The following ATP13A5 variants were observed in gnomAD, a reference collection of about 807,000 sequenced individuals.
The protein encoded by ATP13A5 is ATPase 13A5.
In ATP13A5, 149 loss-of-function variants were observed where a neutral mutation model predicts 150.2. The ratio of observed to expected loss-of-function variants is 0.99; its 90% CI spans 0.87 to 1.14. ATP13A5 has a LOEUF of 1.14. Ranked by LOEUF, ATP13A5 falls within the 50% of genes most tolerant of loss-of-function variation. The pLI is 0.00. For synonymous variants in ATP13A5, 497 were observed against 522.2 expected (o/e 0.95, Z 0.66); for missense variants, 1,383 against 1,449.3 (o/e 0.95, Z 0.74).
intron 1 of ATP13A5, among the ~76,000 whole-genome samples, chr3:193,369,568 G>A (rs9873417): frequency 0.94 from 143,112 of 152,174 alleles, 67,351 homozygotes; most frequent in East Asian, 0.97. Context: ...ATATTTACAC[G>A]CCCCCAGTAA....
rs141219299 is a variant in ATP13A5, at chr3:193,363,045, G to A, written c.384+191C>T. Reference sequence around the variant, plus strand: ...TCAAACTCCTGGGCTCAAGGGATCCGCCCACATTGGCCTCCCAAAAGTGCC... The same window carrying A: ...TCAAACTCCTGGGCTCAAGGGATCCACCCACATTGGCCTCCCAAAAGTGCC... On this transcript the variant is annotated intron_variant, in intron 3 of 29. Coordinates refer to ENST00000342358, the MANE Select transcript of ATP13A5 (RefSeq NM_198505.4). 3.1e-3 allele frequency among the ~76,000 whole-genome samples: 466 copies of A among 152,120 alleles called. 5 individuals are homozygous for A. Among genetic ancestry groups the A allele is most frequent in the African/African-American group, 0.011 (440 of 41,474 alleles).
intron 3 of ATP13A5, among the ~76,000 whole-genome samples, chr3:193,362,954 T>C (rs1713091850): frequency 6.6e-6 from 1 of 151,756 alleles, no homozygotes; most frequent in Admixed American, 6.6e-5. Context: ...ACCACCACAC[T>C]CAGCTCATTT....
rs558104980 is a variant in ATP13A5, at chr3:193,329,012, C to T, written c.1462-1955G>A. Among the ~76,000 whole-genome samples the T allele has an allele frequency of 2.1e-4, 32 of 151,878 alleles. No homozygotes were observed. The East Asian group carries it at 4.1e-3, about 19-fold the overall frequency. On this transcript the variant is annotated intron_variant, in intron 12 of 29. Coordinates refer to ENST00000342358, the MANE Select transcript of ATP13A5 (RefSeq NM_198505.4). ...CTGTAATCCCAGCACTTTGGGAGGC[C>T]GAGGAGGGTGGATCACGAGGTCAAG...
intron 27 of ATP13A5, among the ~76,000 whole-genome samples, chr3:193,283,256 A>G (rs1717577814): frequency 6.6e-6 from 1 of 152,180 alleles, no homozygotes; most frequent in African/African-American, 2.4e-5. Flanking sequence ...ACCTCAAACT[A>G]TACACCAAAA....
At chr3:193,328,022 C>T (rs1719529741) in intron 12 of ATP13A5, among the ~76,000 whole-genome samples, 1 of 152,208 alleles carries the variant, frequency 6.6e-6, no homozygotes, top group African/African-American at 2.4e-5. Flanking sequence ...GTCATTATAG[C>T]ACATCCATTA....
intron 28 of ATP13A5, chr3:193,277,790 C>T (rs1717292584): frequency 6.6e-6 from 1 of 152,188 alleles, no homozygotes; most frequent in Admixed American, 6.5e-5. Flanking sequence ...TAACTCTTCT[C>T]CATCCCTTGA....
At chr3:193,280,504 A>G (rs952011933) in intron 27 of ATP13A5, among the ~76,000 whole-genome samples, 2 of 152,230 alleles carry the variant, frequency 1.3e-5, no homozygotes, top group African/African-American at 4.8e-5. Context: ...AAGTGGCTTT[A>G]TCTCTGGTTC....
intron 12 of ATP13A5, among the ~76,000 whole-genome samples, chr3:193,330,343 C>T (rs1711581132): frequency 6.6e-6 from 1 of 152,252 alleles, no homozygotes; most frequent in South Asian, 2.1e-4. Flanking sequence ...ATGGGACTCT[C>T]TACCAGCATT....
At chr3:193,309,840 C>A (rs929409526) in intron 21 of ATP13A5, among the ~76,000 whole-genome samples, 3 of 152,110 alleles carry the variant, frequency 2.0e-5, no homozygotes, top group Admixed American at 6.5e-5. Flanking sequence ...CCCACTCAAG[C>A]CAGTGCTTGA....
chr3:193,359,456 C>T (rs1263304044), intron 5 of ATP13A5, among the ~76,000 whole-genome samples: 2 of 152,112 alleles, frequency 1.3e-5, no homozygotes, highest in African/African-American at 4.8e-5. Flanking sequence ...TCTCATGGAA[C>T]AGTTTCTGTC....
intron 6 of ATP13A5, among the ~76,000 whole-genome samples, chr3:193,352,795 T>G (rs1712616024): frequency 1.3e-5 from 2 of 152,146 alleles, no homozygotes; most frequent in Non-Finnish European, 2.9e-5. Context: ...GTAAATAATT[T>G]TTTAATATTA....
At chr3:193,339,879 A>G (rs1402373210) in intron 9 of ATP13A5, among the ~76,000 whole-genome samples, 3 of 152,224 alleles carry the variant, frequency 2.0e-5, no homozygotes, top group African/African-American at 7.2e-5. Flanking sequence ...CACAAAACCA[A>G]TGAAACTGGA....
At chr3:193,281,035 G>A (rs1717470695) in intron 27 of ATP13A5, 1 of 190,210 alleles carries the variant, frequency 5.3e-6, no homozygotes, top group South Asian at 1.8e-4. Context: ...CTCACTTTAT[G>A]TATATAAATA....
chr3:193,359,720 C>G (rs1372114016), intron 5 of ATP13A5, among the ~76,000 whole-genome samples: 1 of 152,122 alleles, frequency 6.6e-6, no homozygotes, highest in Non-Finnish European at 1.5e-5. Context: ...CAAACCCTGT[C>G]TATCAAAGCT....
chr3:193,350,964 C>CTT, intron 7 of ATP13A5, 103 bp downstream of exon 7: 1 of 1,374,104 alleles, frequency 7.3e-7, no homozygotes, highest in Non-Finnish European at 9.9e-7. Context: ...TGTTTTATGA[C>CTT]TTATGGTTGA....
chr3:193,285,179 A>C, intron 26 of ATP13A5, 63 bp from the exon 27 acceptor site: 1 of 1,384,852 alleles, frequency 7.2e-7, no homozygotes, highest in South Asian at 1.3e-5. Flanking sequence ...TAGGTGAAAA[A>C]AAAAATAATT....
At chr3:193,353,441 A>G (rs573225255) in intron 6 of ATP13A5, among the ~76,000 whole-genome samples, 87 of 152,348 alleles carry the variant, frequency 5.7e-4, no homozygotes, top group African/African-American at 2.0e-3. Context: ...GAAAAAGACC[A>G]AAAGAATACA....
In ATP13A5 at chr3:193,275,227, T is replaced by C. The variant is rs1717136010; in HGVS notation, c.3472A>G (p.Arg1158Gly). 6.2e-7 allele frequency: 1 copy of C among 1,614,088 alleles called. No individual in the cohort carries two copies. The highest frequency in any genetic ancestry group is 1.3e-5 in the African/African-American group (1 of 74,938). Residue 1158 changes from arginine to glycine, a missense_variant, in exon 30 of 30, where the codon AGG becomes GGG. Physicochemically the swap from Arg to Gly is moderately radical, Grantham distance 125. This residue lies in a region of ATP13A5 where 568 missense variants were observed against 621.5 expected (regional missense o/e 0.91). Coordinates refer to ENST00000342358, the MANE Select transcript of ATP13A5 (RefSeq NM_198505.4). ...TCTGCTAGCTTCTTTTGCCAAGTCC[T>C]ATATTGACTTTTAGAGTAGAATCCA... ...EFGFYSKSQYRTWQKKLAEDS... is the reference protein window; with the variant it reads ...EFGFYSKSQYGTWQKKLAEDS...
chr3:193,348,579 T>A (rs1007389805), intron 7 of ATP13A5, among the ~76,000 whole-genome samples: 3 of 152,194 alleles, frequency 2.0e-5, no homozygotes, highest in African/African-American at 7.2e-5. Flanking sequence ...TTTCTTGGCT[T>A]AGGAAAGGTA....
Sources: gnomAD v4.1 joint callset for allele counts (sites outside exome capture counted in the v4.1 genomes callset) on GRCh38, gnomAD v4.1.1 for gene constraint, gnomAD v4.1.1 regional missense constraint, MANE v1.5 for transcripts, NCBI Gene and HGNC (gene_info 2026-07-23, HGNC 2026-07-21) for gene names.